GPD2: variants seen among roughly 807,000 people sequenced by gnomAD.
GPD2 encodes glycerol-3-phosphate dehydrogenase, mitochondrial.
GPD2 carries 54 observed loss-of-function variants against 82.4 expected under a neutral mutation model. The observed-to-expected ratio is 0.66, with a 90% CI of 0.53 to 0.82. The LOEUF (loss-of-function observed/expected upper bound fraction) is 0.82, where lower values mean the gene tolerates loss of function less well. Among genes scored for constraint, GPD2 ranks in the 40% least tolerant of loss-of-function variants. The probability of loss-of-function intolerance (pLI) is 0.00; values close to 1 mark genes in which losing one functional copy is unlikely to be tolerated. For missense variants in GPD2, 748 were observed against 896.2 expected, an observed-to-expected ratio of 0.83 and a Z score of 2.11; for synonymous variants, 288 against 306.1, an observed-to-expected ratio of 0.94 and a Z score of 0.62.
intron 1 of GPD2, among the ~76,000 whole-genome samples, chr2:156,460,681 G>T (rs932794871): frequency 9.2e-5 from 14 of 152,128 alleles, no homozygotes; most frequent in African/African-American, 3.4e-4. Flanking sequence ...AACAACCCCA[G>T]CCCAAGGGGA....
At chr2:156,461,618 G>A (rs999724097) in intron 1 of GPD2, among the ~76,000 whole-genome samples, 5 of 152,220 alleles carry the variant, frequency 3.3e-5, no homozygotes, top group Admixed American at 2.6e-4. Flanking sequence ...GACCTCAAGC[G>A]ATCCTCCCAC....
Position 156,542,824 on chromosome 2 carries a change from G to A in GPD2, c.662-6784G>A, listed in dbSNP as rs141133016. ...GTCCAAAATATAGCCCCTGCCCTAG[G>A]GATTTGTTCTCCTCTGTTTTTCCCT... On this transcript the variant is annotated intron_variant, in intron 6 of 16. Coordinates refer to ENST00000438166, the MANE Select transcript of GPD2 (RefSeq NM_000408.5). Among the ~76,000 whole-genome samples the A allele has an allele frequency of 8.5e-5, 13 of 152,066 alleles. No individual in the cohort carries two copies. In the East Asian group the frequency reaches 2.5e-3, roughly 29 times the overall value.
Position 156,582,955 on chromosome 2 carries a change from A to G in GPD2, c.*37A>G. On this transcript the variant is annotated 3_prime_UTR_variant, in exon 17 of 17. Transcript: ENST00000438166. ...AAATCCACAGCCAACAAACATAGAA[A>G]CGACAAATCACCATGTAACAACCAG... 3 of 1,608,310 alleles carry G rather than the reference A, an allele frequency of 1.9e-6. No individual in the cohort carries two copies. Among genetic ancestry groups the G allele is most frequent in the Non-Finnish European group, 2.6e-6 (3 of 1,175,322 alleles).
At chr2:156,528,094 T>G (rs531366138) in intron 6 of GPD2, among the ~76,000 whole-genome samples, 1 of 152,270 alleles carries the variant, frequency 6.6e-6, no homozygotes, top group Admixed American at 6.5e-5. Flanking sequence ...ATAAACTGAC[T>G]ACTCTCATTC....
intron 6 of GPD2, among the ~76,000 whole-genome samples, chr2:156,528,868 T>C (rs1323738720): frequency 2.0e-5 from 3 of 152,194 alleles, no homozygotes; most frequent in Non-Finnish European, 2.9e-5. Flanking sequence ...TTCCAAGTCT[T>C]TGCTATCGTG....
chr2:156,508,167 A>C (rs949198477), intron 3 of GPD2, among the ~76,000 whole-genome samples: 1 of 152,052 alleles, frequency 6.6e-6, no homozygotes, highest in East Asian at 1.9e-4. Flanking sequence ...GTGGCTCTGC[A>C]TCCCTCATAG....
At chr2:156,425,095 T>G in the GPD2 span, among the ~76,000 whole-genome samples, 3 of 151,540 alleles carry the variant, frequency 2.0e-5, no homozygotes, top group African/African-American at 7.3e-5. Context: ...TTTTATTTTT[T>G]TTTTTGTTTT....
intron 1 of GPD2, among the ~76,000 whole-genome samples, chr2:156,465,585 C>T (rs967096265): frequency 3.3e-5 from 5 of 152,044 alleles, no homozygotes; most frequent in African/African-American, 1.2e-4. Context: ...GTCTTGAACT[C>T]CTGGCCTCAA....
Position 156,513,488 on chromosome 2 carries a change from A to T in GPD2, c.653A>T (p.Tyr218Phe), listed in dbSNP as rs752343390. 1 of 1,610,538 alleles carries T rather than the reference A, an allele frequency of 6.2e-7. No homozygotes were observed. The highest frequency in any genetic ancestry group is 1.3e-5 in the African/African-American group (1 of 74,690). ...QKDKLVGAIV[Y>F]YDGQHNDARM... ...GACAAACTGGTAGGAGCAATTGTCT[A>T]CTATGACGGTATGTGATGTTTTTTT... is the stretch of plus-strand genomic sequence containing the variant. The change falls in exon 6 of 17, where the codon TAC becomes TTC. Residue 218 changes from tyrosine to phenylalanine, a missense_variant. This residue lies in a region of GPD2 where 692 missense variants were observed against 809.7 expected (regional missense o/e 0.85). Coordinates refer to ENST00000438166, the MANE Select transcript of GPD2 (RefSeq NM_000408.5).
intron 9 of GPD2, among the ~76,000 whole-genome samples, chr2:156,558,146 T>C (rs1295165379): frequency 1.3e-5 from 2 of 152,180 alleles, no homozygotes; most frequent in African/African-American, 4.8e-5. Flanking sequence ...GCATTTTCCT[T>C]GGTGATTTAT....
At chr2:156,558,776 T>TC (rs987065004) in intron 9 of GPD2, among the ~76,000 whole-genome samples, 4 of 135,058 alleles carry the variant, frequency 3.0e-5, no homozygotes, top group African/African-American at 1.1e-4. Flanking sequence ...TTTTTTTTTT[T>TC]TTTTTTTTTT....
chr2:156,400,286 C>G, the GPD2 span, among the ~76,000 whole-genome samples: 1 of 152,250 alleles, frequency 6.6e-6, no homozygotes, highest in Non-Finnish European at 1.5e-5. Flanking sequence ...GAACCAGTCT[C>G]CATGAGCACC....
At chr2:156,445,843 A>G (rs944538789) in intron 1 of GPD2, among the ~76,000 whole-genome samples, 4 of 152,132 alleles carry the variant, frequency 2.6e-5, no homozygotes, top group South Asian at 4.1e-4. Flanking sequence ...TTTCTTTATT[A>G]AAAGATGATG....
intron 1 of GPD2, among the ~76,000 whole-genome samples, chr2:156,466,482 C>A (rs1023865071): frequency 3.9e-5 from 6 of 152,040 alleles, no homozygotes; most frequent in African/African-American, 1.4e-4. Flanking sequence ...GACTATAGTT[C>A]CAGTGTGTAT....
intron 16 of GPD2, among the ~76,000 whole-genome samples, 173 bp from the exon 17 acceptor site, chr2:156,582,620 C>T (rs1688066719): frequency 6.6e-6 from 1 of 151,946 alleles, no homozygotes; most frequent in South Asian, 2.1e-4. Context: ...CTCTTCCCCT[C>T]TTTTGGAAAC....
intron 6 of GPD2, among the ~76,000 whole-genome samples, chr2:156,515,264 C>A (rs552584740): frequency 6.6e-6 from 1 of 151,598 alleles, no homozygotes; most frequent in East Asian, 1.9e-4. Flanking sequence ...TAGCCAGGTG[C>A]GGTGGCATGC....
the GPD2 span, among the ~76,000 whole-genome samples, chr2:156,403,086 G>A: frequency 8.1e-6 from 1 of 122,782 alleles, no homozygotes; most frequent in Non-Finnish European, 1.6e-5. Flanking sequence ...CTGCACTCCA[G>A]CCTGGGCGAC....
intron 11 of GPD2, among the ~76,000 whole-genome samples, chr2:156,569,868 G>A (rs1290438603): frequency 6.6e-6 from 1 of 152,102 alleles, no homozygotes; most frequent in Non-Finnish European, 1.5e-5. Flanking sequence ...AGCTTCATCA[G>A]TCATTGATGC....
the GPD2 span, among the ~76,000 whole-genome samples, chr2:156,400,625 C>G: frequency 6.6e-6 from 1 of 152,244 alleles, no homozygotes; most frequent in Non-Finnish European, 1.5e-5. Flanking sequence ...GTGGAAACAA[C>G]TTAGGGTGGG....
Sources: gnomAD v4.1 joint callset for allele counts (sites outside exome capture counted in the v4.1 genomes callset) on GRCh38, gnomAD v4.1.1 for gene constraint, gnomAD v4.1.1 regional missense constraint, MANE v1.5 for transcripts, NCBI Gene and HGNC (gene_info 2026-07-23, HGNC 2026-07-21) for gene names.